PHF6: variants seen among roughly 807,000 people sequenced by gnomAD.
PHF6 encodes the protein PHD finger protein 6, also known as PHD-like zinc finger protein.
Under a neutral mutation model 34.0 loss-of-function variants are expected in PHF6, and 7 were observed. The ratio of observed to expected loss-of-function variants is 0.21; its 90% CI spans 0.12 to 0.39. PHF6 has a LOEUF of 0.39. Among genes scored for constraint, PHF6 ranks in the 10% least tolerant of loss-of-function variants. The pLI, the probability that PHF6 is intolerant of heterozygous loss-of-function variation, is 1.00. For missense variants in PHF6, 128 were observed against 262.8 expected, an observed-to-expected ratio of 0.49 and a Z score of 3.55; for synonymous variants, 89 against 88.4, an observed-to-expected ratio of 1.01 and a Z score of -0.04.
intron 5 of PHF6, among the ~76,000 whole-genome samples, chrX:134,412,775 A>G (rs1168961331): frequency 1.8e-5 from 2 of 112,572 alleles, no homozygotes; most frequent in African/African-American, 3.2e-5. Flanking sequence ...TGCTTAATTC[A>G]TTAAAGCATA....
In PHF6 at chrX:134,428,635, C is replaced by T; in HGVS notation, c.*2975C>T. ...AGGTTAATTGTAAAGATAAGGAATG[C>T]ATTATGGGTCAAAAATCAAACATTC... On this transcript the variant is annotated 3_prime_UTR_variant, in exon 11 of 11. Transcript: ENST00000370803. 6.7e-6 allele frequency: 1 copy of T among 149,038 alleles called. No homozygotes were observed. The highest frequency in any genetic ancestry group is 1.3e-5 in the Non-Finnish European group (1 of 74,630). 12.3% of individuals were successfully genotyped at this position (149,038 alleles called of 1,213,427 possible).
intron 5 of PHF6, among the ~76,000 whole-genome samples, chrX:134,400,014 T>C (rs1398354908): frequency 8.9e-6 from 1 of 111,864 alleles, no homozygotes; most frequent in Admixed American, 9.6e-5. Context: ...TTCCAGAATG[T>C]CGTAGTTGGA....
In PHF6 at chrX:134,400,120, G is replaced by T. The variant is rs751363379; in HGVS notation, c.418+6168G>T. On this transcript the variant is annotated intron_variant, in intron 5 of 10. Transcript: ENST00000370803. ...TTGAGACAGGGTCTCACTCTATCAC[G>T]CAGGCTGGAATCCAGTGGCTCAATC... Among the ~76,000 whole-genome samples, 3 of 110,781 alleles carry T rather than the reference G, an allele frequency of 2.7e-5. No individual in the cohort carries two copies. The South Asian group carries it at 1.1e-3, about 42-fold the overall frequency.
At chrX:134,394,058 A>G in intron 5 of PHF6, 106 bp downstream of exon 5, 1 of 703,833 alleles carries the variant, frequency 1.4e-6, no homozygotes, top group Non-Finnish European at 2.2e-6. Context: ...ACATATCTCA[A>G]CATTCAGTAC....
At chrX:134,375,772 A>G (rs1280861558) in intron 1 of PHF6, among the ~76,000 whole-genome samples, 1 of 112,490 alleles carries the variant, frequency 8.9e-6, no homozygotes, top group Non-Finnish European at 1.9e-5. Context: ...TATTTTGCAT[A>G]GTTAATTCTA....
At chrX:134,420,336 T>G (rs747936465) in intron 9 of PHF6, 30 of 102,135 alleles carry the variant, frequency 2.9e-4, no homozygotes, top group African/African-American at 9.3e-4. Context: ...AATAAATAAA[T>G]AAAAGTGTAT....
intron 3 of PHF6, among the ~76,000 whole-genome samples, chrX:134,383,849 C>T (rs1022759976): frequency 9.0e-6 from 1 of 111,412 alleles, no homozygotes; most frequent in Non-Finnish European, 1.9e-5. Context: ...TTTTAAGCTA[C>T]CCACTCCAAA....
At chrX:134,386,763 G>A (rs1040942400) in intron 3 of PHF6, among the ~76,000 whole-genome samples, 7 of 111,798 alleles carry the variant, frequency 6.3e-5, no homozygotes, top group Non-Finnish European at 1.3e-4. Context: ...CCATTGCCTT[G>A]TGTCAGGGGT....
chrX:134,390,304 A>G (rs1484080853), intron 3 of PHF6, among the ~76,000 whole-genome samples: 1 of 112,157 alleles, frequency 8.9e-6, no homozygotes, highest in African/African-American at 3.2e-5. Context: ...TAATTTAGCA[A>G]AATTCCAACT....
chrX:134,377,472 G>A, intron 1 of PHF6, 100 bp from the exon 2 acceptor site: 2 of 560,561 alleles, frequency 3.6e-6, no homozygotes, highest in Non-Finnish European at 2.8e-6. Context: ...TTAAAAATGT[G>A]TATATTAAAA....
intron 9 of PHF6, 29 bp downstream of exon 9, chrX:134,417,331 T>A: frequency 1.7e-6 from 2 of 1,192,004 alleles, no homozygotes; most frequent in African/African-American, 3.5e-5. Flanking sequence ...TCTATTTCCC[T>A]AAACATGTTA....
At chrX:134,377,464 A>C in intron 1 of PHF6, 108 bp from the exon 2 acceptor site, 1 of 540,923 alleles carries the variant, frequency 1.8e-6, no homozygotes, top group Non-Finnish European at 2.9e-6. Context: ...ATAAACATTT[A>C]AAAATGTGTA....
chrX:134,379,599 T>C (rs1227238775), intron 3 of PHF6, among the ~76,000 whole-genome samples: 1 of 109,231 alleles, frequency 9.2e-6, no homozygotes, highest in Non-Finnish European at 1.9e-5. Context: ...TGCGCCACCA[T>C]GTCTGGCGAA....
At chrX:134,420,100 G>A (rs757657671) in intron 9 of PHF6, 1 of 110,896 alleles carries the variant, frequency 9.0e-6, no homozygotes, top group East Asian at 2.8e-4. Flanking sequence ...GATTGCCTGA[G>A]CCCTGGAGGT....
Position 134,414,027 on chromosome X carries a change from C to T in PHF6, c.729+61C>T, listed in dbSNP as rs2077462072. 2.6e-6 allele frequency: 3 copies of T among 1,134,337 alleles called. No homozygotes were observed. The East Asian group carries it at 9.0e-5, about 34-fold the overall frequency. 93.5% of individuals were successfully genotyped at this position (1,134,337 alleles called of 1,213,427 possible). A position where few individuals can be genotyped will look rare whatever the true frequency, so the allele number is the denominator to read the frequency against. On this transcript the variant is annotated intron_variant, in intron 7 of 10. Transcript: ENST00000370803. ...TTGTTGTTTGTTTTTCTTTGTTTCC[C>T]CTGTGATCTAAAGCCCAAATGATTT...
rs1338076764 is a variant in PHF6 at position 134,403,282 on chromosome X, G to A, written c.418+9330G>A. Among the ~76,000 whole-genome samples, 5 of 112,068 alleles carry A rather than the reference G, an allele frequency of 4.5e-5. No homozygotes were observed. The Admixed American group carries it at 4.8e-4, about 11-fold the overall frequency. On this transcript the variant is annotated intron_variant, in intron 5 of 10. Transcript: ENST00000370803. ...CAGGGAACACACAAATGATAAGAAA[G>A]TGAAACAGCCCTATTGCTGATATGG... is the stretch of plus-strand genomic sequence containing the variant.
intron 5 of PHF6, among the ~76,000 whole-genome samples, chrX:134,400,838 G>A (rs1373078006): frequency 9.0e-6 from 1 of 111,511 alleles, no homozygotes; most frequent in Non-Finnish European, 1.9e-5. Context: ...TAGAGAAAGT[G>A]GCTAGTTGGG....
intron 5 of PHF6, among the ~76,000 whole-genome samples, chrX:134,411,471 A>G (rs1267678967): frequency 1.1e-4 from 12 of 110,726 alleles, no homozygotes; most frequent in Non-Finnish European, 2.3e-4. Flanking sequence ...AATAAATAAC[A>G]TTATTAAATG....
At chrX:134,405,116 TGAC>T (rs1378365457) in intron 5 of PHF6, among the ~76,000 whole-genome samples, 1 of 112,214 alleles carries the variant, frequency 8.9e-6, no homozygotes, top group African/African-American at 3.2e-5. Flanking sequence ...CTTCCTTAGA[TGAC>T]AATGGAATTT....
Sources: gnomAD v4.1 joint callset for allele counts (sites outside exome capture counted in the v4.1 genomes callset) on GRCh38, gnomAD v4.1.1 for gene constraint, MANE v1.5 for transcripts, NCBI Gene and HGNC (gene_info 2026-07-23, HGNC 2026-07-21) for gene names.